Variants in HS6ST3 observed in about 807,000 individuals in gnomAD.
HS6ST3 encodes the protein heparan sulfate 6-O-sulfotransferase 3.
A neutral mutation model predicts 36.7 loss-of-function variants in HS6ST3; 12 were observed. The ratio of observed to expected loss-of-function variants is 0.33; its 90% CI spans 0.21 to 0.53. HS6ST3 has a LOEUF of 0.53. Among genes scored for constraint, HS6ST3 ranks in the 20% least tolerant of loss-of-function variants. HS6ST3 has a pLI of 0.95. For missense variants in HS6ST3, 584 were observed against 640.9 expected (o/e 0.91, Z 0.96); for synonymous variants, 240 against 257.5 (o/e 0.93, Z 0.65).
At chr13:96,703,243 TG>T (rs1252295123) in intron 1 of HS6ST3, among the ~76,000 whole-genome samples, 1 of 152,234 alleles carries the variant, frequency 6.6e-6, no homozygotes, top group Non-Finnish European at 1.5e-5. Context: ...CTTCTCTAAA[TG>T]ATCTATTGAC....
chr13:96,272,012 C>T (rs2054722823), intron 1 of HS6ST3, among the ~76,000 whole-genome samples: 1 of 151,974 alleles, frequency 6.6e-6, no homozygotes, highest in African/African-American at 2.4e-5. Context: ...ATATGAGATA[C>T]TTAGTACATC....
chr13:96,733,393 T>C (rs1876207604), intron 1 of HS6ST3, among the ~76,000 whole-genome samples: 1 of 152,230 alleles, frequency 6.6e-6, no homozygotes, highest in African/African-American at 2.4e-5. Context: ...AATGATTATA[T>C]AAGTTTTGTT....
intron 1 of HS6ST3, among the ~76,000 whole-genome samples, chr13:96,293,136 A>G (rs1034712123): frequency 1.3e-5 from 2 of 152,160 alleles, no homozygotes; most frequent in Admixed American, 1.3e-4. Flanking sequence ...AAAAACTTAT[A>G]AAATTATTAA....
Position 96,136,682 on chromosome 13 carries a change from CATATATATATATATATATATATAT to C in HS6ST3, c.707+45127_707+45150del, listed in dbSNP as rs56247662. Among the ~76,000 whole-genome samples, 25 of 130,526 alleles carry C rather than the reference CATATATATATATATATATATATAT, an allele frequency of 1.9e-4. 1 individual carries two copies. Among genetic ancestry groups the C allele is most frequent in the Middle Eastern group, 4.1e-3 (1 of 244 alleles). The allele number at this position is 130,526 out of a possible 152,430, so 85.6% of individuals were successfully genotyped here. The stretch of plus-strand genomic sequence containing the variant: ...AGGTATACAGCATGATGTTATGAAA[CATATATATATATATATATATATAT>C]ATATATATATATAGTAAAATGGTTA... On this transcript the variant is annotated intron_variant, in intron 1 of 1. Transcript: ENST00000376705.
chr13:96,786,170 C>T (rs938501722), intron 1 of HS6ST3, among the ~76,000 whole-genome samples: 6 of 152,020 alleles, frequency 3.9e-5, no homozygotes, highest in Admixed American at 3.3e-4. Context: ...CCTTGCTGCT[C>T]TCTGCAACAG....
chr13:96,292,224 G>A (rs1594744935), intron 1 of HS6ST3, among the ~76,000 whole-genome samples: 1 of 151,988 alleles, frequency 6.6e-6, no homozygotes, highest in African/African-American at 2.4e-5. Context: ...GTGTGTGTGT[G>A]TGTGTGTGTG....
In HS6ST3 at chr13:96,821,864, A is replaced by AT. The variant is rs1269466294; in HGVS notation, c.708-10626_708-10625insT. 3.9e-5 allele frequency among the ~76,000 whole-genome samples: 6 copies of AT among 152,366 alleles called. No homozygotes were observed. In the South Asian group the frequency reaches 8.3e-4, roughly 21 times the overall value. On this transcript the variant is annotated intron_variant, in intron 1 of 1. Coordinates refer to ENST00000376705, the MANE Select transcript of HS6ST3 (RefSeq NM_153456.4). The stretch of plus-strand genomic sequence containing the variant: ...AAACCTAGACAGAGGGGATTAAAAA[A>AT]ATATATATTCTTGTGATGTTTTTGG...
At chr13:96,601,008 C>T (rs1403920338) in intron 1 of HS6ST3, among the ~76,000 whole-genome samples, 2 of 152,124 alleles carry the variant, frequency 1.3e-5, no homozygotes, top group Non-Finnish European at 2.9e-5. Context: ...CCCCTTTTGG[C>T]TTGGAAGGTT....
intron 1 of HS6ST3, among the ~76,000 whole-genome samples, chr13:96,151,406 A>G (rs201177580): frequency 2.8e-3 from 18 of 6,438 alleles, no homozygotes; most frequent in Non-Finnish European, 7.0e-3. Context: ...TCCATCTTGG[A>G]AAAAAAAAAA....
chr13:96,235,408 G>A (rs1375977191), intron 1 of HS6ST3, among the ~76,000 whole-genome samples: 2 of 152,100 alleles, frequency 1.3e-5, no homozygotes, highest in Non-Finnish European at 2.9e-5. Flanking sequence ...CTATCAAGCA[G>A]AAACTGTTTT....
At chr13:96,627,358 A>G (rs1201766979) in intron 1 of HS6ST3, among the ~76,000 whole-genome samples, 2 of 152,018 alleles carry the variant, frequency 1.3e-5, no homozygotes, top group Admixed American at 6.5e-5. Context: ...TCTTGTATTC[A>G]TGGAATGAAG....
chr13:96,773,901 G>A (rs945297306), intron 1 of HS6ST3, among the ~76,000 whole-genome samples: 4 of 151,952 alleles, frequency 2.6e-5, no homozygotes, highest in Non-Finnish European at 5.9e-5. Flanking sequence ...TCCCAGCAGG[G>A]GTTGACAGAC....
At chr13:96,404,580 A>G (rs2139458979) in intron 1 of HS6ST3, among the ~76,000 whole-genome samples, 1 of 152,280 alleles carries the variant, frequency 6.6e-6, no homozygotes, top group South Asian at 2.1e-4. Flanking sequence ...CATTTTGTAG[A>G]GCGATATAGG....
chr13:96,648,992 C>G (rs1238090630), intron 1 of HS6ST3, among the ~76,000 whole-genome samples: 1 of 151,896 alleles, frequency 6.6e-6, no homozygotes, highest in African/African-American at 2.4e-5. Context: ...CTCTGCAGAC[C>G]CCTATATTTG....
intron 1 of HS6ST3, among the ~76,000 whole-genome samples, chr13:96,402,471 A>G (rs748695476): frequency 2.0e-5 from 3 of 152,222 alleles, no homozygotes; most frequent in Non-Finnish European, 4.4e-5. Flanking sequence ...TTAAGTGTGC[A>G]GCTTTATGAC....
Position 96,091,125 on chromosome 13 carries a change from C to G in HS6ST3, c.263C>G (p.Pro88Arg), listed in dbSNP as rs1566879554. 1 of 1,444,498 alleles carries G rather than the reference C, an allele frequency of 6.9e-7. No homozygotes were observed. Among genetic ancestry groups the G allele is most frequent in the Non-Finnish European group, 9.1e-7 (1 of 1,102,618 alleles). 89.5% of individuals were successfully genotyped at this position (1,444,498 alleles called of 1,614,324 possible). ...GAGGGACCTCGGGGGGCCGCGGCGC[C>G]GGAGGAGGAGGACGAGGAGCCCGGA... The part of the protein sequence containing the change: ...PPEGPRGAAA[P>R]EEEDEEPGDP... Residue 88 changes from proline to arginine, a missense_variant, in exon 1 of 2, where the codon CCG (proline) becomes CGG (arginine). Physicochemically the swap from Pro to Arg is moderately radical, Grantham distance 103 (BLOSUM62 -2). This residue lies in a region of HS6ST3 where 217 missense variants were observed against 205.4 expected (regional missense o/e 1.06). Coordinates refer to ENST00000376705, the MANE Select transcript of HS6ST3 (RefSeq NM_153456.4).
At chr13:96,647,980 A>G (rs2056594655) in intron 1 of HS6ST3, among the ~76,000 whole-genome samples, 1 of 151,956 alleles carries the variant, frequency 6.6e-6, no homozygotes, top group Non-Finnish European at 1.5e-5. Flanking sequence ...GGGAGATTTT[A>G]TCCTTTCCTT....
intron 1 of HS6ST3, among the ~76,000 whole-genome samples, chr13:96,668,465 C>T (rs894489658): frequency 6.6e-6 from 1 of 152,172 alleles, no homozygotes; most frequent in East Asian, 1.9e-4. Context: ...CATAATAAGA[C>T]CTGCTGGCTC....
intron 1 of HS6ST3, among the ~76,000 whole-genome samples, chr13:96,765,934 T>C (rs17697212): frequency 0.2 from 29,786 of 152,054 alleles, 3,021 homozygotes; most frequent in Admixed American, 0.24. Flanking sequence ...AGGATAGCAG[T>C]TGATTTTTAT....
Sources: gnomAD v4.1 joint callset for allele counts (sites outside exome capture counted in the v4.1 genomes callset) on GRCh38, gnomAD v4.1.1 for gene constraint, gnomAD v4.1.1 regional missense constraint, MANE v1.5 for transcripts, NCBI Gene and HGNC (gene_info 2026-07-23, HGNC 2026-07-21) for gene names.